Variants in MRPS18C observed in about 807,000 individuals in gnomAD.
MRPS18C encodes the protein small ribosomal subunit protein bS18m.
A neutral mutation model predicts 21.0 loss-of-function variants in MRPS18C; 21 were observed. The ratio of observed to expected loss-of-function variants is 1.00; its 90% CI spans 0.71 to 1.44. MRPS18C has a LOEUF of 1.44. Ranked by LOEUF, MRPS18C falls within the 40% of genes most tolerant of loss-of-function variation. The probability of loss-of-function intolerance (pLI) is 0.00; values close to 1 mark genes in which losing one functional copy is unlikely to be tolerated. For synonymous variants in MRPS18C, 65 were observed against 54.3 expected (o/e 1.20, Z -0.87); for missense variants, 152 against 171.5 (o/e 0.89, Z 0.64).
rs571824958 is a variant in MRPS18C at position 83,457,106 on chromosome 4, T to C, written c.150+148T>C. On this transcript the variant is annotated intron_variant, in intron 2 of 5. Coordinates refer to ENST00000295491, the MANE Select transcript of MRPS18C (RefSeq NM_016067.4). ...GCCGTAGGACAAAACAATTTGATAA[T>C]TACTCTGAGTTCAGAAATGATGATG... 4 of 607,948 alleles carry C rather than the reference T, an allele frequency of 6.6e-6. No homozygotes were observed. The East Asian group carries it at 8.6e-5, about 13-fold the overall frequency. 37.7% of individuals were successfully genotyped at this position (607,948 alleles called of 1,614,324 possible).
Position 83,458,401 on chromosome 4 carries a change from G to T in MRPS18C, c.206G>T (p.Gly69Val), listed in dbSNP as rs764848808. 1.7e-5 allele frequency: 28 copies of T among 1,602,124 alleles called. No homozygotes were observed. Among genetic ancestry groups the T allele is most frequent in the Non-Finnish European group, 2.1e-5 (25 of 1,170,946 alleles). Reference protein sequence around the residue: ...KEPLKKCILCGKHVDYKNVQL... With the variant: ...KEPLKKCILCVKHVDYKNVQL... ...CCTCTTAAGAAATGTATCTTGTGTGGAAAGCATGTAGATTATAAGAATGTA... is the reference window on the plus strand; with the variant it reads ...CCTCTTAAGAAATGTATCTTGTGTGTAAAGCATGTAGATTATAAGAATGTA... Residue 69 changes from glycine (G) to valine (V), a missense_variant, in exon 3 of 6, where the codon GGA (glycine) becomes GTA (valine). Coordinates refer to ENST00000295491, the MANE Select transcript of MRPS18C (RefSeq NM_016067.4).
chr4:83,456,063 A>G lies in MRPS18C; in HGVS notation c.-15A>G. On this transcript the variant is annotated 5_prime_UTR_variant, in exon 1 of 6. Coordinates refer to ENST00000295491, the MANE Select transcript of MRPS18C (RefSeq NM_016067.4). ...AACGATTTGGAACGAAAGGAAGTGG[A>G]AGAAACGCGGAACCATGGCCGCTGT... The G allele has an allele frequency of 1.2e-6, 2 of 1,611,584 alleles. No individual in the cohort carries two copies. The highest frequency in any genetic ancestry group is 8.5e-7 in the Non-Finnish European group (1 of 1,179,376).
In MRPS18C at chr4:83,456,120, A is replaced by T. The variant is rs779366652; in HGVS notation, c.43A>T (p.Lys15Ter). ...VAVCGGLGRK[K>*]LTHLVTAAVS... The stretch of plus-strand genomic sequence containing the variant: ...TGTTTGCGGTGGTCTAGGGAGGAAG[A>T]AGTTGACACACTTGGTAACGGCTGC... The change falls in exon 1 of 6, where the codon AAG (lysine) becomes TAG (stop). Residue 15 changes from lysine to a stop codon, truncating the protein, a stop_gained. Coordinates refer to ENST00000295491, the MANE Select transcript of MRPS18C (RefSeq NM_016067.4). LOFTEE classifies it high-confidence loss of function. The T allele has an allele frequency of 1.4e-4, 226 of 1,613,128 alleles. No individual in the cohort carries two copies. The highest frequency in any genetic ancestry group is 1.8e-4 in the Non-Finnish European group (207 of 1,180,040).
At position 83,459,792 on chromosome 4, in the gene MRPS18C, T is replaced by C. The variant is rs1348216800; in HGVS notation, c.287T>C (p.Ile96Thr). ...ACTGGATGCATTTATGGAAGGCACA[T>C]TACAGGTATGTTCTTTTTTATTATG... The part of the protein sequence containing the change: ...PFTGCIYGRH[I>T]TGLCGKKQKE... The change falls in exon 4 of 6, where the codon ATT becomes ACT. Residue 96 changes from isoleucine to threonine, a missense_variant. Around this residue, in one of 2 missense-constraint regions of MRPS18C, gnomAD observed 34 missense variants for 67.1 expected, o/e 0.51. Transcript: ENST00000295491. 1.3e-6 allele frequency: 2 copies of C among 1,598,464 alleles called. No individual in the cohort carries two copies. The highest frequency in any genetic ancestry group is 1.7e-5 in the Admixed American group (1 of 58,826).
At position 83,461,268 on chromosome 4, in the gene MRPS18C, C is replaced by A; in HGVS notation, c.*71C>A. The stretch of plus-strand genomic sequence containing the variant: ...TGTATGATGCCAATACTGACTCAAA[C>A]CAACCTTTGGATAGAAAAGTGTTTG... On this transcript the variant is annotated 3_prime_UTR_variant, in exon 6 of 6. Coordinates refer to ENST00000295491, the MANE Select transcript of MRPS18C (RefSeq NM_016067.4). 1 of 1,329,612 alleles carries A rather than the reference C, an allele frequency of 7.5e-7. No homozygotes were observed. The highest frequency in any genetic ancestry group is 1.1e-6 in the Non-Finnish European group (1 of 926,238). The allele number at this position is 1,329,612 out of a possible 1,614,324, so 82.4% of individuals were successfully genotyped here.
chr4:83,457,059 T>C, intron 2 of MRPS18C, 101 bp downstream of exon 2: 1 of 979,634 alleles, frequency 1.0e-6, no homozygotes. Flanking sequence ...ATCTTTTATT[T>C]TAGCTACTTG....
Position 83,461,250 on chromosome 4 carries a change from T to C in MRPS18C, c.*53T>C. 1 of 1,528,940 alleles carries C rather than the reference T, an allele frequency of 6.5e-7. No individual in the cohort carries two copies. Among genetic ancestry groups the C allele is most frequent in the Non-Finnish European group, 9.0e-7 (1 of 1,105,826 alleles). The allele number at this position is 1,528,940 out of a possible 1,614,324, so 94.7% of individuals were successfully genotyped here. ...TATTTTACAGTAAGTGGTTGTATGA[T>C]GCCAATACTGACTCAAACCAACCTT... On this transcript the variant is annotated 3_prime_UTR_variant, in exon 6 of 6. Coordinates refer to ENST00000295491, the MANE Select transcript of MRPS18C (RefSeq NM_016067.4).
Position 83,456,082 on chromosome 4 carries a change from C to A in MRPS18C, c.5C>A (p.Ala2Asp). 8 of 1,612,458 alleles carry A rather than the reference C, an allele frequency of 5.0e-6. No individual in the cohort carries two copies. The highest frequency in any genetic ancestry group is 6.8e-6 in the Non-Finnish European group (8 of 1,180,000). Residue 2 changes from alanine (A) to aspartate (D), a missense_variant, in exon 1 of 6, where the codon GCC becomes GAC. Physicochemically the swap from Ala to Asp is moderately radical, Grantham distance 126. This residue lies in a region of MRPS18C where 118 missense variants were observed against 104.4 expected (regional missense o/e 1.13). Coordinates refer to ENST00000295491, the MANE Select transcript of MRPS18C (RefSeq NM_016067.4). ...AAGTGGAAGAAACGCGGAACCATGGCCGCTGTGGTTGCTGTTTGCGGTGGT... is the reference window on the plus strand; with the variant it reads ...AAGTGGAAGAAACGCGGAACCATGGACGCTGTGGTTGCTGTTTGCGGTGGT... Reference protein sequence around the residue: MAAVVAVCGGLG... With the variant: MDAVVAVCGGLG...
intron 3 of MRPS18C, 168 bp downstream of exon 3, chr4:83,458,597 T>A (rs1482399768): frequency 4.0e-6 from 2 of 498,184 alleles, no homozygotes; most frequent in Admixed American, 8.9e-5. Context: ...TCTGCTTTAT[T>A]CAAGTAAAAG....
In MRPS18C at chr4:83,461,384, T is replaced by C; in HGVS notation, c.*187T>C. 1 of 565,096 alleles carries C rather than the reference T, an allele frequency of 1.8e-6. No individual in the cohort carries two copies. The highest frequency in any genetic ancestry group is 3.2e-6 in the Non-Finnish European group (1 of 315,172). 35.0% of individuals were successfully genotyped at this position (565,096 alleles called of 1,614,324 possible). A position where few individuals can be genotyped will look rare whatever the true frequency, so the allele number is the denominator to read the frequency against. On this transcript the variant is annotated 3_prime_UTR_variant, in exon 6 of 6. Transcript: ENST00000295491. The stretch of plus-strand genomic sequence containing the variant: ...AAATGTTAACACTCATCACATTTTA[T>C]CTATGTTGAATAAAAGTGGTTCTGT...
At chr4:83,459,688 GAAATAAA>G in intron 3 of MRPS18C, 45 bp from the exon 4 acceptor site, 1 of 1,513,178 alleles carries the variant, frequency 6.6e-7, no homozygotes. Flanking sequence ...TACACATTCA[GAAATAAA>G]TAACAGATAC....
intron 3 of MRPS18C, 57 bp downstream of exon 3, chr4:83,458,486 TAA>T: frequency 7.5e-7 from 1 of 1,326,860 alleles, no homozygotes; most frequent in South Asian, 1.3e-5. Context: ...TAGATCTGCT[TAA>T]AGAGAATCAA....
chr4:83,457,259 GTT>G (rs59746535), intron 2 of MRPS18C: 522 of 190,576 alleles, frequency 2.7e-3, no homozygotes, highest in South Asian at 3.4e-3. Context: ...TTTGGGAATT[GTT>G]TTTTTTTTTT....
At chr4:83,459,871 AC>A (rs1722014741) in intron 4 of MRPS18C, 74 bp downstream of exon 4, 1 of 1,322,278 alleles carries the variant, frequency 7.6e-7, no homozygotes, top group South Asian at 1.3e-5. Flanking sequence ...ATTTAAGAAA[AC>A]TCAAATTTTC....
intron 1 of MRPS18C, 146 bp downstream of exon 1, chr4:83,456,323 TTGAC>T (rs1477833267): frequency 8.6e-6 from 6 of 694,162 alleles, no homozygotes. Context: ...GTAATTGCCT[TTGAC>T]TGTTTTAGTG....
chr4:83,460,848 G>A, intron 4 of MRPS18C, 125 bp from the exon 5 acceptor site: 2 of 757,622 alleles, frequency 2.6e-6, no homozygotes, highest in South Asian at 3.3e-5. Flanking sequence ...GGAGGTTGCA[G>A]TGAGGCGAGA....
At chr4:83,459,876 A>G (rs1339139961) in intron 4 of MRPS18C, 79 bp downstream of exon 4, 2 of 1,260,586 alleles carry the variant, frequency 1.6e-6, no homozygotes, top group Non-Finnish European at 2.2e-6. Context: ...AGAAAACTCA[A>G]ATTTTCAAAT....
intron 4 of MRPS18C, 45 bp downstream of exon 4, chr4:83,459,842 A>T: frequency 6.9e-7 from 1 of 1,457,582 alleles, no homozygotes; most frequent in Non-Finnish European, 9.5e-7. Flanking sequence ...GATACGAATT[A>T]TATCAATCTA....
chr4:83,458,352 T>C lies in MRPS18C; in HGVS notation c.157T>C (p.Ser53Pro). Residue 53 changes from serine (S) to proline (P), a missense_variant, in exon 3 of 6, where the codon TCA (serine) becomes CCA (proline). By Grantham distance (74) the Ser-to-Pro change is moderately conservative. Coordinates refer to ENST00000295491, the MANE Select transcript of MRPS18C (RefSeq NM_016067.4). ...TTTTCGTTTTTTTCCCTAGCCCATT[T>C]CAATGGAAAATCCTTATAAAGAACC... Reference protein sequence around the residue: ...QVSSNEDLPISMENPYKEPLK... With the variant: ...QVSSNEDLPIPMENPYKEPLK... The C allele has an allele frequency of 1.3e-6, 2 of 1,595,740 alleles. No individual in the cohort carries two copies. The highest frequency in any genetic ancestry group is 1.7e-6 in the Non-Finnish European group (2 of 1,165,878).
Sources: gnomAD v4.1 joint callset for allele counts on GRCh38, gnomAD v4.1.1 for gene constraint, gnomAD v4.1.1 regional missense constraint, MANE v1.5 for transcripts, NCBI Gene and HGNC (gene_info 2026-07-23, HGNC 2026-07-21) for gene names.